Variants in PTPRD observed in about 807,000 individuals in gnomAD.
PTPRD encodes the protein protein tyrosine phosphatase receptor type D, also known as receptor-type tyrosine-protein phosphatase delta.
A neutral mutation model predicts 214.5 loss-of-function variants in PTPRD; 34 were observed. That is an observed-to-expected ratio of 0.16 (90% CI 0.12 to 0.21). The LOEUF is 0.21. Among genes scored for constraint, PTPRD ranks in the 10% least tolerant of loss-of-function variants. PTPRD has a pLI of 1.00. For synonymous variants in PTPRD, 1,128 were observed against 845.7 expected (o/e 1.33, Z -5.79); for missense variants, 2,545 against 2,398.7 (o/e 1.06, Z -1.27).
rs932627651 is a variant in PTPRD at position 8,517,882 on chromosome 9, A to G, written c.1509T>C (p.Leu503=). Residue 503 remains leucine (L), a synonymous_variant, in exon 21 of 46, where the codon CTT becomes CTC. Coordinates refer to ENST00000381196, the MANE Select transcript of PTPRD (RefSeq NM_002839.4). ...GAGTGATGACTTGTATGTCACTTGA[A>G]AGGGGACCATCTCCAATTGAGGTAA... ...LAFTSIGDGP[L]SSDIQVITQT... is the part of the protein sequence containing the mutation. 6.2e-7 allele frequency: 1 copy of G among 1,614,128 alleles called. No homozygotes were observed. The highest frequency in any genetic ancestry group is 8.5e-7 in the Non-Finnish European group (1 of 1,179,980).
At chr9:9,476,330 T>A (rs1017459047) in intron 8 of PTPRD, among the ~76,000 whole-genome samples, 1 of 152,202 alleles carries the variant, frequency 6.6e-6, no homozygotes, top group African/African-American at 2.4e-5. Flanking sequence ...AATTGTGAAT[T>A]ACATGGTGTG....
intron 3 of PTPRD, among the ~76,000 whole-genome samples, chr9:10,332,004 T>C (rs2096759469): frequency 1.3e-5 from 2 of 151,836 alleles, no homozygotes; most frequent in South Asian, 2.1e-4. Flanking sequence ...AATCACACAC[T>C]AGCAGCAATA....
intron 7 of PTPRD, among the ~76,000 whole-genome samples, chr9:9,719,670 G>A (rs960842261): frequency 1.6e-4 from 24 of 152,334 alleles, no homozygotes; most frequent in Admixed American, 1.3e-3. Context: ...CTATGCTGCG[G>A]CGGTGAGGGG....
chr9:8,357,626 C>T (rs1054594862), intron 39 of PTPRD, among the ~76,000 whole-genome samples: 1 of 152,132 alleles, frequency 6.6e-6, no homozygotes, highest in African/African-American at 2.4e-5. Flanking sequence ...GGAACCCACT[C>T]AAGGAAAATG....
chr9:10,099,144 T>C (rs1246422186), intron 3 of PTPRD, among the ~76,000 whole-genome samples: 1 of 151,788 alleles, frequency 6.6e-6, no homozygotes, highest in Non-Finnish European at 1.5e-5. Context: ...TGTTATGGTT[T>C]TAATTTCAAG....
chr9:9,827,866 C>A (rs921694742), intron 5 of PTPRD, among the ~76,000 whole-genome samples: 5 of 152,048 alleles, frequency 3.3e-5, no homozygotes, highest in Admixed American at 1.3e-4. Flanking sequence ...CACTTGTCAA[C>A]AGAAGACAAT....
intron 5 of PTPRD, among the ~76,000 whole-genome samples, chr9:9,889,865 G>T (rs920012330): frequency 6.6e-6 from 1 of 151,832 alleles, no homozygotes; most frequent in African/African-American, 2.4e-5. Flanking sequence ...TTTCTGAAGG[G>T]TGCACGGGTT....
chr9:8,746,959 C>T (rs2092891031), intron 11 of PTPRD, among the ~76,000 whole-genome samples: 1 of 152,088 alleles, frequency 6.6e-6, no homozygotes, highest in African/African-American at 2.4e-5. Context: ...GGAAGCAAGC[C>T]AGGAGTGTGG....
chr9:8,500,583 A>AAAAAAAAAG (rs1563868169), intron 24 of PTPRD, among the ~76,000 whole-genome samples, 171 bp downstream of exon 24: 4 of 146,314 alleles, frequency 2.7e-5, no homozygotes, highest in Non-Finnish European at 4.5e-5. Flanking sequence ...AAAAAAAAAA[A>AAAAAAAAAG]AAAAAAAGGC....
At chr9:10,388,880 G>C (rs1273513452) in intron 2 of PTPRD, among the ~76,000 whole-genome samples, 1 of 151,792 alleles carries the variant, frequency 6.6e-6, no homozygotes, top group African/African-American at 2.4e-5. Context: ...ATAAATGTTA[G>C]CTCTAATAAT....
chr9:10,111,471 C>T (rs916198023), intron 3 of PTPRD, among the ~76,000 whole-genome samples: 34 of 151,070 alleles, frequency 2.3e-4, no homozygotes, highest in African/African-American at 8.0e-4. Context: ...ATCTCCTGAC[C>T]TCGTGATCCG....
chr9:10,087,283 G>A (rs545408110), intron 3 of PTPRD, among the ~76,000 whole-genome samples: 2 of 151,520 alleles, frequency 1.3e-5, no homozygotes, highest in African/African-American at 4.8e-5. Context: ...CTCCCAAATG[G>A]AAATGCTCAT....
intron 11 of PTPRD, among the ~76,000 whole-genome samples, chr9:8,916,808 C>G (rs556157861): frequency 6.6e-6 from 1 of 152,234 alleles, no homozygotes; most frequent in Admixed American, 6.5e-5. Context: ...AAACAACGAG[C>G]TATAAAATGA....
intron 7 of PTPRD, among the ~76,000 whole-genome samples, chr9:9,725,075 G>A (rs2098055915): frequency 6.6e-6 from 1 of 152,028 alleles, no homozygotes; most frequent in Non-Finnish European, 1.5e-5. Context: ...AAAATATCTG[G>A]GGTAGGTTAG....
intron 7 of PTPRD, among the ~76,000 whole-genome samples, chr9:9,634,401 T>G (rs991344169): frequency 6.6e-6 from 1 of 152,124 alleles, no homozygotes; most frequent in African/African-American, 2.4e-5. Context: ...GAAATATCAG[T>G]GCAACTAGAA....
rs184452018 is a variant in PTPRD, at chr9:8,942,217, C to T, written c.-104+76480G>A. 1.4e-4 allele frequency among the ~76,000 whole-genome samples: 22 copies of T among 151,798 alleles called. No homozygotes were observed. In the East Asian group the frequency reaches 4.2e-3, roughly 29 times the overall value. On this transcript the variant is annotated intron_variant, in intron 11 of 45. Coordinates refer to ENST00000381196, the MANE Select transcript of PTPRD (RefSeq NM_002839.4). ...GCAACTATTTTTTTCTTTTTTTTGC[C>T]CCCCTGTCTATCATCTTGTAACTAG... is the stretch of plus-strand genomic sequence containing the variant.
intron 8 of PTPRD, among the ~76,000 whole-genome samples, chr9:9,529,722 ATTATT>A (rs1364869193): frequency 2.0e-5 from 3 of 152,062 alleles, no homozygotes; most frequent in African/African-American, 7.2e-5. Context: ...AACCAATTAG[ATTATT>A]TTAAAGTTAA....
chr9:9,755,399 T>C (rs2154471602), intron 6 of PTPRD, among the ~76,000 whole-genome samples: 1 of 152,200 alleles, frequency 6.6e-6, no homozygotes, highest in East Asian at 1.9e-4. Flanking sequence ...CAGTTTGTTG[T>C]CTGTTACCAC....
chr9:10,599,029 C>T (rs936798740), intron 2 of PTPRD, among the ~76,000 whole-genome samples: 6 of 151,608 alleles, frequency 4.0e-5, no homozygotes, highest in African/African-American at 7.3e-5. Flanking sequence ...CCCAGCTTCA[C>T]GTGCAACTGG....
Sources: allele counts gnomAD v4.1 joint callset (sites outside exome capture counted in the v4.1 genomes callset), GRCh38; gene constraint gnomAD v4.1.1; transcripts MANE v1.5; gene names NCBI Gene and HGNC (gene_info 2026-07-23, HGNC 2026-07-21).